Variants in CTNND2 observed in about 807,000 individuals in gnomAD.
CTNND2 encodes the protein catenin delta 2, also known as catenin delta-2.
Under a neutral mutation model 144.4 loss-of-function variants are expected in CTNND2, and 22 were observed. That is an observed-to-expected ratio of 0.15 (90% CI 0.11 to 0.22). The LOEUF (loss-of-function observed/expected upper bound fraction) is 0.22, where lower values mean the gene tolerates loss of function less well. CTNND2 is among the 10% of genes least tolerant of loss of function. CTNND2 has a pLI of 1.00. For synonymous variants in CTNND2, 751 were observed against 695.6 expected (o/e 1.08, Z -1.25); for missense variants, 1,353 against 1,618.8 (o/e 0.84, Z 2.82).
intron 2 of CTNND2, among the ~76,000 whole-genome samples, chr5:11,589,312 C>CA (rs761346317): frequency 2.0e-5 from 3 of 149,298 alleles, no homozygotes; most frequent in Non-Finnish European, 4.5e-5. Flanking sequence ...CACACACACA[C>CA]GACAACAACA....
intron 2 of CTNND2, among the ~76,000 whole-genome samples, chr5:11,721,651 T>A (rs1436821207): frequency 6.6e-6 from 1 of 152,162 alleles, no homozygotes; most frequent in Admixed American, 6.5e-5. Flanking sequence ...ACTGGAAAGG[T>A]TGCTAAGTCA....
At chr5:11,678,954 T>C (rs1784304314) in intron 2 of CTNND2, among the ~76,000 whole-genome samples, 2 of 151,904 alleles carry the variant, frequency 1.3e-5, no homozygotes, top group Non-Finnish European at 2.9e-5. Context: ...TTGATAGATA[T>C]ACTTATTCTA....
Position 11,611,825 on chromosome 5 carries a change from T to C in CTNND2, c.175-46769A>G, listed in dbSNP as rs984823973. The stretch of plus-strand genomic sequence containing the variant: ...TTTCTTGAACTCAAAACAGATTAGA[T>C]AAGCACACTATCTAGATATTTCCTT... On this transcript the variant is annotated intron_variant, in intron 2 of 21. Coordinates refer to ENST00000304623, the MANE Select transcript of CTNND2 (RefSeq NM_001332.4). Among the ~76,000 whole-genome samples, 3 of 152,164 alleles carry C rather than the reference T, an allele frequency of 2.0e-5. No individual in the cohort carries two copies. In the East Asian group the frequency reaches 5.8e-4, roughly 29 times the overall value.
At chr5:11,126,367 G>T (rs1022152985) in intron 12 of CTNND2, among the ~76,000 whole-genome samples, 1 of 152,194 alleles carries the variant, frequency 6.6e-6, no homozygotes, top group Non-Finnish European at 1.5e-5. Context: ...TGAATATCCA[G>T]ATTATTTCTA....
chr5:11,249,525 A>G (rs1217651048), intron 9 of CTNND2, among the ~76,000 whole-genome samples: 3 of 152,202 alleles, frequency 2.0e-5, no homozygotes, highest in African/African-American at 7.2e-5. Flanking sequence ...AAAACAGAGT[A>G]ATGTTCAACC....
At position 11,354,738 on chromosome 5, in the gene CTNND2, C is replaced by G. The variant is rs73042250; in HGVS notation, c.1373-8111G>C. Among the ~76,000 whole-genome samples, 921 of 152,300 alleles carry G rather than the reference C, an allele frequency of 6.0e-3. 10 individuals carry two copies. Among genetic ancestry groups the G allele is most frequent in the African/African-American group, 0.021 (893 of 41,578 alleles). ...GGAAACATCAGACTTAAACTACGCTCCAGACCAAAGGGACCTAACAGACAT... is the reference window on the plus strand; with the variant it reads ...GGAAACATCAGACTTAAACTACGCTGCAGACCAAAGGGACCTAACAGACAT... On this transcript the variant is annotated intron_variant, in intron 8 of 21. Transcript: ENST00000304623.
At chr5:11,706,867 C>G (rs529924046) in intron 2 of CTNND2, among the ~76,000 whole-genome samples, 1 of 151,846 alleles carries the variant, frequency 6.6e-6, no homozygotes, top group Admixed American at 6.6e-5. Context: ...GGGCGGATCA[C>G]GAGGTCAGGA....
chr5:11,732,229 C>A lies in CTNND2; in HGVS notation c.81G>T (p.Lys27Asn). Residue 27 changes from lysine to asparagine, a missense_variant, in exon 2 of 22, where the codon AAG becomes AAT. Lys to Asn is a moderately conservative substitution (Grantham distance 94, BLOSUM62 0). Coordinates refer to ENST00000304623, the MANE Select transcript of CTNND2 (RefSeq NM_001332.4). Reference protein sequence around the residue: ...VPDQPSSASEKTSSLSPGLNT... With the variant: ...VPDQPSSASENTSSLSPGLNT... ...TTAAGCCGGGGCTCAGGGAACTCGT[C>A]TTCTCTGAGGCTGATGAAGGCTGGT... The A allele has an allele frequency of 6.2e-7, 1 of 1,613,956 alleles. No individual in the cohort carries two copies. Among genetic ancestry groups the A allele is most frequent in the Non-Finnish European group, 8.5e-7 (1 of 1,179,888 alleles).
intron 18 of CTNND2, among the ~76,000 whole-genome samples, chr5:11,005,679 C>A (rs115410617): frequency 6.6e-6 from 1 of 152,132 alleles, no homozygotes; most frequent in East Asian, 1.9e-4. Flanking sequence ...TGGGCAACCA[C>A]GGAAGAAGAA....
At chr5:11,744,708 T>TGC (rs1234977966) in intron 1 of CTNND2, among the ~76,000 whole-genome samples, 2 of 151,770 alleles carry the variant, frequency 1.3e-5, no homozygotes, top group African/African-American at 4.8e-5. Context: ...TGTGTGTGTG[T>TGC]GTGCACGTGT....
intron 2 of CTNND2, among the ~76,000 whole-genome samples, chr5:11,708,758 G>T (rs140930589): frequency 1.3e-5 from 2 of 152,212 alleles, no homozygotes; most frequent in East Asian, 3.9e-4. Context: ...ATTTAAGGCA[G>T]GGTAAGCACC....
chr5:11,706,304 A>G (rs923133858), intron 2 of CTNND2, among the ~76,000 whole-genome samples: 8 of 152,224 alleles, frequency 5.3e-5, no homozygotes, highest in African/African-American at 1.9e-4. Flanking sequence ...AAACAAAAGC[A>G]AAACTCTGAA....
chr5:11,686,772 T>C (rs905255491), intron 2 of CTNND2, among the ~76,000 whole-genome samples: 1 of 148,588 alleles, frequency 6.7e-6, no homozygotes, highest in Non-Finnish European at 1.5e-5. Flanking sequence ...AATATATGTA[T>C]ATACAATACA....
intron 9 of CTNND2, among the ~76,000 whole-genome samples, chr5:11,338,501 G>A (rs1183553002): frequency 6.6e-6 from 1 of 152,190 alleles, no homozygotes; most frequent in Non-Finnish European, 1.5e-5. Context: ...CTGTATACGA[G>A]AGCACAAAAC....
At chr5:11,240,536 A>AAC (rs1377410845) in intron 9 of CTNND2, among the ~76,000 whole-genome samples, 1 of 70,842 alleles carries the variant, frequency 1.4e-5, no homozygotes, top group African/African-American at 7.8e-5. Flanking sequence ...ACACACACCC[A>AAC]ACACACACAC....
intron 9 of CTNND2, among the ~76,000 whole-genome samples, chr5:11,251,373 A>G (rs575704605): frequency 6.6e-6 from 1 of 152,322 alleles, no homozygotes; most frequent in African/African-American, 2.4e-5. Flanking sequence ...AGACAATGCC[A>G]TCTTCACATC....
intron 1 of CTNND2, among the ~76,000 whole-genome samples, chr5:11,761,362 G>GA (rs1488130263): frequency 2.6e-5 from 4 of 151,980 alleles, no homozygotes; most frequent in Non-Finnish European, 4.4e-5. Context: ...GCACAATTGA[G>GA]AAAAAAAGTC....
At chr5:11,707,432 T>A (rs537586153) in intron 2 of CTNND2, among the ~76,000 whole-genome samples, 1 of 152,304 alleles carries the variant, frequency 6.6e-6, no homozygotes, top group East Asian at 1.9e-4. Flanking sequence ...ACTTCTGCCT[T>A]CTTTTTCTCA....
intron 9 of CTNND2, among the ~76,000 whole-genome samples, chr5:11,306,209 G>C (rs570309216): frequency 6.6e-6 from 1 of 152,208 alleles, no homozygotes; most frequent in Non-Finnish European, 1.5e-5. Context: ...CAATAGAAGA[G>C]GCAAGAGATG....
Sources: gnomAD v4.1 joint callset for allele counts (sites outside exome capture counted in the v4.1 genomes callset) on GRCh38, gnomAD v4.1.1 for gene constraint, MANE v1.5 for transcripts, NCBI Gene and HGNC (gene_info 2026-07-23, HGNC 2026-07-21) for gene names.